LRRC17: variants seen among roughly 807,000 people sequenced by gnomAD.
The protein encoded by LRRC17 is leucine rich repeat containing 17, also known as leucine-rich repeat-containing protein 17.
In LRRC17, 33 loss-of-function variants were observed where a neutral mutation model predicts 41.5. The ratio of observed to expected loss-of-function variants is 0.80; its 90% confidence interval spans 0.60 to 1.06. The LOEUF (loss-of-function observed/expected upper bound fraction) is 1.06. LRRC17 is among the 50% of genes least tolerant of loss of function. LRRC17 has a pLI of 0.00. For missense variants in LRRC17, 491 were observed against 519.3 expected, an observed-to-expected ratio of 0.95 and a Z score of 0.53; for synonymous variants, 192 against 197.0, an observed-to-expected ratio of 0.97 and a Z score of 0.21.
chr7:102,933,923 G>T lies in LRRC17; in HGVS notation c.10G>T (p.Val4Phe), dbSNP rs1345942363. 1 of 1,604,442 alleles carries T rather than the reference G, an allele frequency of 6.2e-7. No homozygotes were observed. Residue 4 changes from valine to phenylalanine, a missense_variant, in exon 2 of 4, where the codon GTT (valine) becomes TTT (phenylalanine). By Grantham distance (50) the Val-to-Phe change is conservative (BLOSUM62 -1). Transcript: ENST00000339431. ...CCAGCTGGATGTCAGGATGCGTGTGGTTACCATTGTAATCTTGCTCTGCTT... is the reference window on the plus strand; with the variant it reads ...CCAGCTGGATGTCAGGATGCGTGTGTTTACCATTGTAATCTTGCTCTGCTT... MRVVTIVILLCFCK... is the reference protein window; with the variant it reads MRVFTIVILLCFCK...
At chr7:102,921,226 A>G (rs1282862747) in intron 1 of LRRC17, among the ~76,000 whole-genome samples, 1 of 152,266 alleles carries the variant, frequency 6.6e-6, no homozygotes, top group Non-Finnish European at 1.5e-5. Context: ...AAATGCTATA[A>G]TCTGTAATGA....
At chr7:102,922,755 G>A (rs1584952939) in intron 1 of LRRC17, among the ~76,000 whole-genome samples, 2 of 151,990 alleles carry the variant, frequency 1.3e-5, no homozygotes, top group East Asian at 1.9e-4. Context: ...GGCGGATCAC[G>A]AGGTCAGGAG....
rs758992489 is a variant in LRRC17 at position 102,913,043 on chromosome 7, A to G, written c.-243A>G. The G allele has an allele frequency of 6.8e-6, 11 of 1,613,222 alleles. No individual in the cohort carries two copies. The Admixed American group carries it at 1.8e-4, about 27-fold the overall frequency. On this transcript the variant is annotated 5_prime_UTR_variant, in exon 1 of 4. Transcript: ENST00000339431. Reference sequence around the variant, plus strand: ...CTGAATGCAGCCCATTCTCTGGAGAACTTCCTCACACACCGCAGCAAAGAG... The same window carrying G: ...CTGAATGCAGCCCATTCTCTGGAGAGCTTCCTCACACACCGCAGCAAAGAG...
intron 1 of LRRC17, among the ~76,000 whole-genome samples, chr7:102,930,890 C>G (rs1034548995): frequency 6.6e-6 from 1 of 152,194 alleles, no homozygotes; most frequent in African/African-American, 2.4e-5. Flanking sequence ...GTTGCATTCA[C>G]TAAATATTAT....
At chr7:102,916,729 C>T (rs896773811) in intron 1 of LRRC17, among the ~76,000 whole-genome samples, 9 of 151,050 alleles carry the variant, frequency 6.0e-5, no homozygotes, top group Admixed American at 3.3e-4. Context: ...TCTAATTCTG[C>T]TTTGAGGCAA....
chr7:102,920,100 A>G (rs529565935), intron 1 of LRRC17, among the ~76,000 whole-genome samples: 6 of 152,350 alleles, frequency 3.9e-5, no homozygotes, highest in African/African-American at 1.4e-4. Context: ...ATTGAAGTGT[A>G]TTAGATCACT....
At chr7:102,914,131 G>C (rs1815333501) in intron 1 of LRRC17, among the ~76,000 whole-genome samples, 1 of 152,148 alleles carries the variant, frequency 6.6e-6, no homozygotes, top group Admixed American at 6.5e-5. Flanking sequence ...TGAGATCTTG[G>C]CTCACTGCAA....
intron 1 of LRRC17, chr7:102,926,316 G>C (rs1171851141): frequency 6.2e-7 from 1 of 1,613,992 alleles, no homozygotes; most frequent in Non-Finnish European, 8.5e-7. Flanking sequence ...AGTTGTGTTA[G>C]ACAGATTGAG....
At chr7:102,940,434 T>C (rs1418579661) in intron 3 of LRRC17, among the ~76,000 whole-genome samples, 1 of 148,532 alleles carries the variant, frequency 6.7e-6, no homozygotes, top group Non-Finnish European at 1.5e-5. Context: ...ATGGTCTCTA[T>C]CTCCTGACCT....
At chr7:102,919,158 T>A (rs1473531370) in intron 1 of LRRC17, among the ~76,000 whole-genome samples, 6 of 152,222 alleles carry the variant, frequency 3.9e-5, no homozygotes, top group African/African-American at 1.4e-4. Context: ...CACAGTGGAA[T>A]TATTTACACC....
chr7:102,932,277 T>A (rs1291534104), intron 1 of LRRC17, among the ~76,000 whole-genome samples: 1 of 152,250 alleles, frequency 6.6e-6, no homozygotes, highest in South Asian at 2.1e-4. Flanking sequence ...TTTTTTGTTT[T>A]CATTTAACAT....
At chr7:102,930,036 G>C (rs1818889810) in intron 1 of LRRC17, among the ~76,000 whole-genome samples, 1 of 152,090 alleles carries the variant, frequency 6.6e-6, no homozygotes, top group Non-Finnish European at 1.5e-5. Context: ...GTGGTGGGGA[G>C]GGAAGGGTAG....
intron 1 of LRRC17, among the ~76,000 whole-genome samples, chr7:102,920,325 A>G (rs1816734914): frequency 6.6e-6 from 1 of 152,206 alleles, no homozygotes; most frequent in African/African-American, 2.4e-5. Context: ...CAGTAACATA[A>G]AAATCAAAAC....
chr7:102,913,228 A>C (rs1332376899), intron 1 of LRRC17, 83 bp downstream of exon 1: 5 of 1,613,906 alleles, frequency 3.1e-6, no homozygotes, highest in Non-Finnish European at 4.2e-6. Flanking sequence ...GAAAAGACAA[A>C]AGAGAGGAAG....
In LRRC17 at chr7:102,933,928, C is replaced by T; in HGVS notation, c.15C>T (p.Thr5=). MRVV[T]IVILLCFCKA... ...TGGATGTCAGGATGCGTGTGGTTAC[C>T]ATTGTAATCTTGCTCTGCTTTTGCA... The change falls in exon 2 of 4, where the codon ACC becomes ACT. Residue 5 remains threonine, a synonymous_variant. Transcript: ENST00000339431. 6.2e-7 allele frequency: 1 copy of T among 1,607,274 alleles called. No individual in the cohort carries two copies. The highest frequency in any genetic ancestry group is 8.5e-7 in the Non-Finnish European group (1 of 1,175,216).
chr7:102,927,087 G>GA (rs1818285160), intron 1 of LRRC17, among the ~76,000 whole-genome samples: 1 of 152,180 alleles, frequency 6.6e-6, no homozygotes. Context: ...AAGAGAGACA[G>GA]AAAAACAGAG....
rs1402588323 is a variant in LRRC17 at position 102,934,584 on chromosome 7, C to A, written c.671C>A (p.Pro224His). Reference sequence around the variant, plus strand: ...GAAAAGGAACAATTGGACCCGAAACCCCAAGTGTCAGGGAGACCCCCAGTC... The same window carrying A: ...GAAAAGGAACAATTGGACCCGAAACACCAAGTGTCAGGGAGACCCCCAGTC... ...EEEKEQLDPKPQVSGRPPVIK... is the reference protein window; with the variant it reads ...EEEKEQLDPKHQVSGRPPVIK... Residue 224 changes from proline to histidine, a missense_variant, in exon 2 of 4, where the codon CCC (proline) becomes CAC (histidine). Physicochemically the swap from Pro to His is moderately conservative, Grantham distance 77. Transcript: ENST00000339431. The A allele has an allele frequency of 6.2e-7, 1 of 1,613,888 alleles. No individual in the cohort carries two copies. Among genetic ancestry groups the A allele is most frequent in the Admixed American group, 1.7e-5 (1 of 59,986 alleles).
rs945141469 is a variant in LRRC17 at position 102,944,671 on chromosome 7, T to C, written c.*64T>C. The C allele has an allele frequency of 5.0e-6, 7 of 1,406,582 alleles. No homozygotes were observed. The African/African-American group carries it at 1.0e-4, about 20-fold the overall frequency. The allele number at this position is 1,406,582 out of a possible 1,614,324, so 87.1% of individuals were successfully genotyped here. ...CTATACTGGTGTTAGAAAACATATG[T>C]TTACATTTGATTAACTGTGTTGCCT... On this transcript the variant is annotated 3_prime_UTR_variant, in exon 4 of 4. Coordinates refer to ENST00000339431, the MANE Select transcript of LRRC17 (RefSeq NM_001031692.3).
chr7:102,919,149 AC>A (rs1412695230), intron 1 of LRRC17, among the ~76,000 whole-genome samples: 1 of 152,210 alleles, frequency 6.6e-6, no homozygotes, highest in Non-Finnish European at 1.5e-5. Flanking sequence ...AAAATCGGCC[AC>A]AGTGGAATTA....
Sources: gnomAD v4.1 joint callset for allele counts (sites outside exome capture counted in the v4.1 genomes callset) on GRCh38, gnomAD v4.1.1 for gene constraint, MANE v1.5 for transcripts, NCBI Gene and HGNC (gene_info 2026-07-23, HGNC 2026-07-21) for gene names.